The following RAD51C variants were observed in gnomAD, a reference collection of about 807,000 sequenced individuals.
RAD51C encodes RAD51 paralog C, also known as DNA repair protein RAD51 homolog 3.
A neutral mutation model predicts 45.0 loss-of-function variants in RAD51C; 42 were observed. That is an observed-to-expected ratio of 0.93 (90% confidence interval 0.73 to 1.21). The LOEUF (loss-of-function observed/expected upper bound fraction) is 1.21, where lower values mean the gene tolerates loss of function less well. Among genes scored for constraint, RAD51C ranks in the 50% most tolerant of loss-of-function variants. The pLI, the probability that RAD51C is intolerant of heterozygous loss-of-function variation, is 0.00. For synonymous variants in RAD51C, 172 were observed against 159.8 expected (o/e 1.08, Z -0.58); for missense variants, 474 against 452.2 (o/e 1.05, Z -0.44).
At chr17:58,714,026 C>A (rs1397767138) in intron 5 of RAD51C, among the ~76,000 whole-genome samples, 1 of 151,708 alleles carries the variant, frequency 6.6e-6, no homozygotes, top group Non-Finnish European at 1.5e-5. Flanking sequence ...CCTCTCTCAC[C>A]CAGGTTGGAG....
At chr17:58,698,966 A>G (rs1023928691) in intron 3 of RAD51C, among the ~76,000 whole-genome samples, 6 of 151,654 alleles carry the variant, frequency 4.0e-5, no homozygotes, top group African/African-American at 1.5e-4. Context: ...TATTCTTTCA[A>G]TTACTTATAA....
At chr17:58,701,304 C>G (rs985513169) in intron 3 of RAD51C, among the ~76,000 whole-genome samples, 1 of 151,764 alleles carries the variant, frequency 6.6e-6, no homozygotes, top group Non-Finnish European at 1.5e-5. Context: ...GTCAGGAGAT[C>G]GAGACCATCC....
chr17:58,697,556 A>AC (rs2048061758), intron 3 of RAD51C, among the ~76,000 whole-genome samples: 1 of 134,540 alleles, frequency 7.4e-6, no homozygotes, highest in African/African-American at 2.6e-5. Flanking sequence ...AAAAAAAAAA[A>AC]ACCAAAAAAA....
intron 5 of RAD51C, among the ~76,000 whole-genome samples, chr17:58,716,016 ACT>A (rs1443954662): frequency 6.7e-6 from 1 of 149,688 alleles, no homozygotes; most frequent in Non-Finnish European, 1.5e-5. Context: ...GAGGCAGGAA[ACT>A]CTCTTGAACC....
intron 4 of RAD51C, chr17:58,706,008 A>G (rs2048366931): frequency 1.3e-5 from 2 of 152,182 alleles, no homozygotes; most frequent in African/African-American, 4.8e-5. Flanking sequence ...TCCAGCTGTG[A>G]ACGTTTGAAA....
At chr17:58,725,344 G>T (rs2049080642) in intron 7 of RAD51C, among the ~76,000 whole-genome samples, 1 of 152,034 alleles carries the variant, frequency 6.6e-6, no homozygotes, top group Non-Finnish European at 1.5e-5. Flanking sequence ...TTTGGCAACA[G>T]TTCTCCAGCT....
chr17:58,705,642 C>T lies in RAD51C; in HGVS notation c.705+2313C>T, dbSNP rs191611907. Among the ~76,000 whole-genome samples the T allele has an allele frequency of 4.7e-3, 711 of 152,054 alleles. 3 individuals carry two copies. Among genetic ancestry groups the T allele is most frequent in the Admixed American group, 8.3e-3 (126 of 15,242 alleles). ...CCACCGTGCCTGACCCCTAATATTT[C>T]TTCTTACAAGGACGCTAATCATCTT... is the stretch of plus-strand genomic sequence containing the variant. On this transcript the variant is annotated intron_variant, in intron 4 of 8. Coordinates refer to ENST00000337432, the MANE Select transcript of RAD51C (RefSeq NM_058216.3).
intron 5 of RAD51C, among the ~76,000 whole-genome samples, chr17:58,711,501 ATCT>A (rs1368052669): frequency 6.6e-6 from 1 of 152,154 alleles, no homozygotes; most frequent in Non-Finnish European, 1.5e-5. Context: ...TGGAGACAGA[ATCT>A]TACTGAAGTG....
At chr17:58,721,657 G>C (rs2048921313) in intron 6 of RAD51C, among the ~76,000 whole-genome samples, 1 of 151,924 alleles carries the variant, frequency 6.6e-6, no homozygotes, top group Non-Finnish European at 1.5e-5. Flanking sequence ...TACTTGGGAG[G>C]CTGAGGCAGG....
intron 5 of RAD51C, among the ~76,000 whole-genome samples, chr17:58,713,432 C>T (rs1259608409): frequency 6.6e-6 from 1 of 152,092 alleles, no homozygotes; most frequent in Admixed American, 6.6e-5. Flanking sequence ...CCTCAATCTC[C>T]TGGGCTTAAG....
In RAD51C at chr17:58,720,749, A is replaced by G. The variant is rs1439877158; in HGVS notation, c.841A>G (p.Ile281Val). 1 of 1,611,006 alleles carries G rather than the reference A, an allele frequency of 6.2e-7. No individual in the cohort carries two copies. Among genetic ancestry groups the G allele is most frequent in the Non-Finnish European group, 8.5e-7 (1 of 1,177,612 alleles). ...SLANNHRLAV[I>V]LTNQMTTKID... ...TTCTTACATTTTGTTTTTGTAGGTA[A>G]TTTTAACCAATCAGATGACAACAAA... Residue 281 changes from isoleucine to valine, a missense_variant, in exon 6 of 9, where the codon ATT becomes GTT. By Grantham distance (29) the Ile-to-Val change is conservative. Transcript: ENST00000337432.
chr17:58,708,733 C>G (rs1380487177), intron 4 of RAD51C, among the ~76,000 whole-genome samples: 2 of 152,052 alleles, frequency 1.3e-5, no homozygotes, highest in East Asian at 3.9e-4. Context: ...GGGTTTTGCT[C>G]TGTCCCCCAG....
intron 6 of RAD51C, among the ~76,000 whole-genome samples, chr17:58,722,955 G>A (rs1198374042): frequency 6.6e-6 from 1 of 152,184 alleles, no homozygotes; most frequent in Non-Finnish European, 1.5e-5. Flanking sequence ...TTGCAAATCA[G>A]TAGGGTAATG....
chr17:58,732,856 A>C lies in RAD51C; in HGVS notation c.1026+312A>C. 1.8e-5 allele frequency: 6 copies of C among 331,558 alleles called. No homozygotes were observed. The East Asian group carries it at 3.7e-4, about 21-fold the overall frequency. 20.5% of individuals were successfully genotyped at this position (331,558 alleles called of 1,614,324 possible). On this transcript the variant is annotated intron_variant, in intron 8 of 8. Transcript: ENST00000337432. ...TGAAGATTTCCAGAAAAGAAAAAATACTAACATTACTTATTTTGGTCTGTA... is the reference window on the plus strand; with the variant it reads ...TGAAGATTTCCAGAAAAGAAAAAATCCTAACATTACTTATTTTGGTCTGTA...
At chr17:58,719,026 C>T (rs1368110739) in intron 5 of RAD51C, among the ~76,000 whole-genome samples, 1 of 152,084 alleles carries the variant, frequency 6.6e-6, no homozygotes, top group Non-Finnish European at 1.5e-5. Flanking sequence ...AGTTCGAGAC[C>T]AGGCCGGCCA....
At position 58,734,413 on chromosome 17, in the gene RAD51C, A is replaced by G. The variant is rs2049573736; in HGVS notation, c.*191A>G. 4.3e-6 allele frequency: 4 copies of G among 941,036 alleles called. No homozygotes were observed. In the East Asian group the frequency reaches 1.1e-4, roughly 25 times the overall value. The allele number at this position is 941,036 out of a possible 1,614,324, so 58.3% of individuals were successfully genotyped here. A position where few individuals can be genotyped will look rare whatever the true frequency, so the allele number is the denominator to read the frequency against. On this transcript the variant is annotated 3_prime_UTR_variant, in exon 9 of 9. Transcript: ENST00000337432. ...TTCTAAAGCAGTATTCTGCAATTAT[A>G]TTTTACCCTGTTTTCATTTTCAGTA...
chr17:58,702,896 G>A (rs142359286), intron 3 of RAD51C, among the ~76,000 whole-genome samples: 304 of 152,086 alleles, frequency 2.0e-3, no homozygotes, highest in Admixed American at 3.8e-3. Context: ...GGTGGGGGGC[G>A]GCGACGGATA....
chr17:58,701,961 C>T (rs747772847), intron 3 of RAD51C, among the ~76,000 whole-genome samples: 2 of 151,440 alleles, frequency 1.3e-5, no homozygotes, highest in Non-Finnish European at 2.9e-5. Flanking sequence ...AGAAAAAATG[C>T]TTCATTTGAA....
intron 6 of RAD51C, among the ~76,000 whole-genome samples, chr17:58,722,967 C>T (rs191599082): frequency 6.6e-6 from 1 of 152,172 alleles, no homozygotes; most frequent in South Asian, 2.1e-4. Context: ...AGGGTAATGA[C>T]AAACCCTTTG....
Sources: allele counts gnomAD v4.1 joint callset (sites outside exome capture counted in the v4.1 genomes callset), GRCh38; gene constraint gnomAD v4.1.1; transcripts MANE v1.5; gene names NCBI Gene and HGNC (gene_info 2026-07-23, HGNC 2026-07-21).